Variants in SYNPR observed in about 807,000 individuals in gnomAD.
SYNPR encodes synaptoporin.
SYNPR carries 23 observed loss-of-function variants against 32.9 expected under a neutral mutation model. The observed-to-expected ratio is 0.70, with a 90% CI of 0.50 to 0.99. SYNPR has a LOEUF of 0.99. Ranked by LOEUF, SYNPR falls within the 50% of genes least tolerant of loss-of-function variation. The probability of loss-of-function intolerance (pLI) is 0.00; values close to 1 mark genes in which losing one functional copy is unlikely to be tolerated. For missense variants in SYNPR, 318 were observed against 349.3 expected (o/e 0.91, Z 0.71); for synonymous variants, 146 against 135.9 (o/e 1.07, Z -0.52).
chr3:63,251,959 G>C (rs1484717546), intron 1 of SYNPR, among the ~76,000 whole-genome samples: 1 of 151,920 alleles, frequency 6.6e-6, no homozygotes, highest in Non-Finnish European at 1.5e-5. Context: ...GCAATTAAAT[G>C]TCTTCCATAC....
chr3:63,606,474 C>G lies in SYNPR; in HGVS notation c.409-2651C>G, dbSNP rs1394111696. 3.2e-5 allele frequency among the ~76,000 whole-genome samples: 4 copies of G among 126,274 alleles called. No homozygotes were observed. The Admixed American group carries it at 3.8e-4, about 12-fold the overall frequency. 82.8% of individuals were successfully genotyped at this position (126,274 alleles called of 152,430 possible). A position where few individuals can be genotyped will look rare whatever the true frequency, so the allele number is the denominator to read the frequency against. ...ATCTCATCCTGTTGCCCAGGCTGAA[C>G]TGGCTGGAGTGCAGTGATGCAATCA... On this transcript the variant is annotated intron_variant, in intron 4 of 5. Transcript: ENST00000478300.
At position 63,469,520 on chromosome 3, in the gene SYNPR, A is replaced by T. The variant is rs529848778; in HGVS notation, c.85-11312A>T. Among the ~76,000 whole-genome samples, 31 of 152,340 alleles carry T rather than the reference A, an allele frequency of 2.0e-4. 1 individual carries two copies. Among genetic ancestry groups the T allele is most frequent in the Middle Eastern group, 6.8e-3 (2 of 294 alleles). On this transcript the variant is annotated intron_variant, in intron 2 of 5. Transcript: ENST00000478300. Reference sequence around the variant, plus strand: ...AAATACCAAGTTCAAAAACACTACCATAGGCAAGAAATTAATTCAGAAGAC... The same window carrying T: ...AAATACCAAGTTCAAAAACACTACCTTAGGCAAGAAATTAATTCAGAAGAC...
chr3:63,353,703 G>A (rs570355880), intron 2 of SYNPR, among the ~76,000 whole-genome samples: 3 of 152,234 alleles, frequency 2.0e-5, no homozygotes, highest in Middle Eastern at 3.4e-3. Context: ...GTTTTACATC[G>A]TTTTCAGCTG....
At chr3:63,548,211 C>A (rs1702444007) in intron 3 of SYNPR, among the ~76,000 whole-genome samples, 1 of 152,124 alleles carries the variant, frequency 6.6e-6, no homozygotes, top group Non-Finnish European at 1.5e-5. Context: ...AAGTCAGTGG[C>A]TTGGAAAACG....
chr3:63,469,923 C>T (rs2060757), intron 2 of SYNPR, among the ~76,000 whole-genome samples: 67,357 of 152,078 alleles, frequency 0.44, 16,587 homozygotes, highest in African/African-American at 0.67. Flanking sequence ...TTCATCCAAA[C>T]GAAAGTGAAA....
chr3:63,363,114 T>C (rs2087682937), intron 2 of SYNPR, among the ~76,000 whole-genome samples: 1 of 152,192 alleles, frequency 6.6e-6, no homozygotes, highest in African/African-American at 2.4e-5. Context: ...TACCTTACTA[T>C]TGGAAGCCAG....
In SYNPR at chr3:63,321,074, C is replaced by T. The variant is rs146491460; in HGVS notation, c.84+42332C>T. 1.3e-4 allele frequency among the ~76,000 whole-genome samples: 20 copies of T among 152,150 alleles called. No individual in the cohort carries two copies. In the East Asian group the frequency reaches 3.1e-3, roughly 24 times the overall value. On this transcript the variant is annotated intron_variant, in intron 2 of 5. Coordinates refer to ENST00000478300, the MANE Select transcript of SYNPR (RefSeq NM_001130003.2). ...TGCTAGACATGGATGTCATTCTTAA[C>T]CTAGGGCAGCCTAAGTATTTAGACT... is the stretch of plus-strand genomic sequence containing the variant.
intron 2 of SYNPR, among the ~76,000 whole-genome samples, chr3:63,364,823 T>C (rs2087711120): frequency 6.6e-6 from 1 of 152,192 alleles, no homozygotes; most frequent in African/African-American, 2.4e-5. Flanking sequence ...TAAGATGGGA[T>C]GTGGGACGTG....
At chr3:63,564,943 C>T (rs894102355) in intron 4 of SYNPR, among the ~76,000 whole-genome samples, 1 of 152,142 alleles carries the variant, frequency 6.6e-6, no homozygotes. Flanking sequence ...GGAGTCTGTG[C>T]CTTTGGTGGG....
At chr3:63,374,868 A>G (rs555769900) in intron 2 of SYNPR, among the ~76,000 whole-genome samples, 6 of 152,240 alleles carry the variant, frequency 3.9e-5, no homozygotes, top group Admixed American at 3.9e-4. Context: ...TGTTTTTGTA[A>G]GGTTTGTCAA....
intron 2 of SYNPR, among the ~76,000 whole-genome samples, chr3:63,265,241 C>T (rs1404998557): frequency 3.5e-3 from 354 of 101,844 alleles, no homozygotes; most frequent in East Asian, 9.0e-3. Context: ...TAATGACATT[C>T]TTTTTTTTTT....
intron 2 of SYNPR, among the ~76,000 whole-genome samples, chr3:63,376,504 A>C (rs1312363954): frequency 6.6e-6 from 1 of 151,246 alleles, no homozygotes; most frequent in Non-Finnish European, 1.5e-5. Context: ...TTCTTTCACC[A>C]CTCTGGGCTT....
intron 2 of SYNPR, among the ~76,000 whole-genome samples, chr3:63,330,850 T>C (rs1242249328): frequency 6.6e-6 from 1 of 152,148 alleles, no homozygotes; most frequent in Non-Finnish European, 1.5e-5. Context: ...ATGGAACAGA[T>C]GCTCTTGATG....
At chr3:63,307,103 G>C (rs2086916806) in intron 2 of SYNPR, among the ~76,000 whole-genome samples, 1 of 152,046 alleles carries the variant, frequency 6.6e-6, no homozygotes, top group South Asian at 2.1e-4. Context: ...ACTTTATTCA[G>C]TGTTGGATAT....
At chr3:63,325,762 A>G (rs2087159230) in intron 2 of SYNPR, among the ~76,000 whole-genome samples, 1 of 152,070 alleles carries the variant, frequency 6.6e-6, no homozygotes, top group Admixed American at 6.6e-5. Context: ...CTGTCCATCC[A>G]CACAGCTGAC....
At chr3:63,275,542 G>T (rs1005098275), upstream of SYNPR, among the ~76,000 whole-genome samples, 6 of 152,096 alleles carry the variant, frequency 3.9e-5, no homozygotes, top group Admixed American at 3.9e-4. Flanking sequence ...GAGCCCTGAG[G>T]GAATAGGCTC....
chr3:63,401,054 T>A (rs2088283643), intron 2 of SYNPR, among the ~76,000 whole-genome samples: 1 of 151,906 alleles, frequency 6.6e-6, no homozygotes, highest in Non-Finnish European at 1.5e-5. Flanking sequence ...TTTTTTTTTA[T>A]GATGATAACA....
In SYNPR at chr3:63,496,440, A is replaced by T. The variant is rs554480012; in HGVS notation, c.209+15484A>T. On this transcript the variant is annotated intron_variant, in intron 3 of 5. Coordinates refer to ENST00000478300, the MANE Select transcript of SYNPR (RefSeq NM_001130003.2). ...TATGATGCCAGTTACCTATGTGGAC[A>T]GTTAGGTTATTTTGGTTTTTCACTA... Among the ~76,000 whole-genome samples, 7 of 152,224 alleles carry T rather than the reference A, an allele frequency of 4.6e-5. No homozygotes were observed. In the East Asian group the frequency reaches 1.4e-3, roughly 29 times the overall value.
intron 2 of SYNPR, among the ~76,000 whole-genome samples, chr3:63,339,048 G>T (rs1575602959): frequency 6.6e-6 from 1 of 152,182 alleles, no homozygotes; most frequent in East Asian, 1.9e-4. Context: ...GAATTCCTTG[G>T]AGATGGTGAA....
Sources: gnomAD v4.1 joint callset for allele counts (sites outside exome capture counted in the v4.1 genomes callset) on GRCh38, gnomAD v4.1.1 for gene constraint, MANE v1.5 for transcripts, NCBI Gene and HGNC (gene_info 2026-07-23, HGNC 2026-07-21) for gene names.